Variants in FBLN5 observed in about 807,000 individuals in gnomAD.
The protein encoded by FBLN5 is fibulin-5.
FBLN5 carries 24 observed loss-of-function variants against 61.6 expected under a neutral mutation model. That is an observed-to-expected ratio of 0.39 (90% CI 0.28 to 0.55). FBLN5 has a LOEUF of 0.55. FBLN5 is among the 20% of genes least tolerant of loss of function. The pLI is 0.65. For synonymous variants in FBLN5, 213 were observed against 219.8 expected, an observed-to-expected ratio of 0.97 and a Z score of 0.27; for missense variants, 470 against 594.1, an observed-to-expected ratio of 0.79 and a Z score of 2.17.
At chr14:91,912,528 T>C (rs2140009467) in intron 4 of FBLN5, among the ~76,000 whole-genome samples, 1 of 152,100 alleles carries the variant, frequency 6.6e-6, no homozygotes, top group Non-Finnish European at 1.5e-5. Context: ...ACCTGTAATC[T>C]CAGCTACTTG....
intron 6 of FBLN5, among the ~76,000 whole-genome samples, chr14:91,888,949 T>A (rs1756964219): frequency 6.6e-6 from 1 of 152,210 alleles, no homozygotes; most frequent in Admixed American, 6.5e-5. Flanking sequence ...CTCTTAGGCC[T>A]CTGAAAAGAG....
chr14:91,870,285 A>G lies in FBLN5; in HGVS notation c.1286T>C (p.Ile429Thr), dbSNP rs1888858281. 1.2e-6 allele frequency: 2 copies of G among 1,614,224 alleles called. No individual in the cohort carries two copies. The highest frequency in any genetic ancestry group is 1.7e-6 in the Non-Finnish European group (2 of 1,180,024). Residue 429 changes from isoleucine to threonine, a missense_variant, in exon 11 of 11, where the codon ATC becomes ACC. Transcript: ENST00000342058. Reference protein sequence around the residue: ...DLEMITVNTVINFRGSSVIRL... With the variant: ...DLEMITVNTVTNFRGSSVIRL... Reference sequence around the variant, plus strand: ...GATCACGGAGCTGCCTCTGAAGTTGATGACAGTGTTGACAGTGATCATTTC... The same window carrying G: ...GATCACGGAGCTGCCTCTGAAGTTGGTGACAGTGTTGACAGTGATCATTTC...
At chr14:91,923,478 C>A (rs892431618) in intron 4 of FBLN5, among the ~76,000 whole-genome samples, 1 of 152,204 alleles carries the variant, frequency 6.6e-6, no homozygotes, top group Non-Finnish European at 1.5e-5. Context: ...TGACTCATGA[C>A]CAAGACTGCT....
At position 91,882,576 on chromosome 14, in the gene FBLN5, C is replaced by T. The variant is rs533563580; in HGVS notation, c.862+378G>A. On this transcript the variant is annotated intron_variant, in intron 8 of 10. Transcript: ENST00000342058. This position sits in a 1 kb window ranked among gnomAD's most constrained non-coding sequence, Gnocchi z 4.9. Reference sequence around the variant, plus strand: ...GCTAACCAAACTGCCCTCCAGGCCACGTAAGAAAGCCCGGGCTCTGGCCAG... The same window carrying T: ...GCTAACCAAACTGCCCTCCAGGCCATGTAAGAAAGCCCGGGCTCTGGCCAG... 7.2e-5 allele frequency among the ~76,000 whole-genome samples: 11 copies of T among 152,360 alleles called. No individual in the cohort carries two copies. In the East Asian group the frequency reaches 1.5e-3, roughly 21 times the overall value.
At chr14:91,887,963 C>T (rs1305430025) in intron 6 of FBLN5, among the ~76,000 whole-genome samples, 2 of 152,038 alleles carry the variant, frequency 1.3e-5, no homozygotes, top group East Asian at 3.8e-4. Flanking sequence ...AATCATGGTG[C>T]AGTTTATTAT....
chr14:91,879,968 G>C (rs1889345257), intron 9 of FBLN5, among the ~76,000 whole-genome samples: 1 of 152,166 alleles, frequency 6.6e-6, no homozygotes, highest in African/African-American at 2.4e-5. Flanking sequence ...TTAAAAAAGG[G>C]ATAAAAGAGA....
intron 10 of FBLN5, among the ~76,000 whole-genome samples, chr14:91,875,994 C>T (rs575438586): frequency 1.1e-4 from 16 of 152,350 alleles, no homozygotes; most frequent in Admixed American, 3.9e-4. Flanking sequence ...GTTTCACCCC[C>T]ACCACCAAAC....
At chr14:91,910,528 T>C (rs1890874362) in intron 4 of FBLN5, among the ~76,000 whole-genome samples, 1 of 152,236 alleles carries the variant, frequency 6.6e-6, no homozygotes, top group Admixed American at 6.5e-5. Context: ...GCATTTTTAC[T>C]ACAATAAAAA....
intron 4 of FBLN5, among the ~76,000 whole-genome samples, chr14:91,895,907 C>T (rs965029304): frequency 1.3e-5 from 2 of 151,672 alleles, no homozygotes; most frequent in Admixed American, 6.6e-5. Flanking sequence ...CTCCAGTCTT[C>T]GCTCCACTCC....
intron 4 of FBLN5, among the ~76,000 whole-genome samples, chr14:91,902,268 T>G (rs1890484201): frequency 1.1e-5 from 1 of 92,744 alleles, no homozygotes; most frequent in South Asian, 3.6e-4. Context: ...TGGGTTTTTT[T>G]GTTTGTTTGT....
At chr14:91,896,121 A>G (rs1377645039) in intron 4 of FBLN5, among the ~76,000 whole-genome samples, 2 of 152,174 alleles carry the variant, frequency 1.3e-5, no homozygotes, top group Admixed American at 6.5e-5. Flanking sequence ...TCAGTGCTCA[A>G]AACTGTTTGT....
intron 4 of FBLN5, among the ~76,000 whole-genome samples, chr14:91,897,603 C>A (rs1890278517): frequency 6.6e-6 from 1 of 152,196 alleles, no homozygotes; most frequent in South Asian, 2.1e-4. Flanking sequence ...CCAAGTCCTA[C>A]AGAGAGAAAC....
intron 4 of FBLN5, among the ~76,000 whole-genome samples, chr14:91,934,568 G>C (rs1329787024): frequency 6.6e-6 from 1 of 152,194 alleles, no homozygotes; most frequent in Non-Finnish European, 1.5e-5. Context: ...AAGAGGACAA[G>C]ACACCTTTGG....
At position 91,940,425 on chromosome 14, in the gene FBLN5, C is replaced by A. The variant is rs2056087504; in HGVS notation, c.124+140G>T. ...ACAAAGAAGGTGATCAATAAAAGGG[C>A]ACCACTGACTTCAGTCATTCCATGT... is the stretch of plus-strand genomic sequence containing the variant. On this transcript the variant is annotated intron_variant, in intron 3 of 10. Transcript: ENST00000342058. 16 of 751,606 alleles carry A rather than the reference C, an allele frequency of 2.1e-5. No individual in the cohort carries two copies. The South Asian group carries it at 2.2e-4, about 10-fold the overall frequency. The allele number at this position is 751,606 out of a possible 1,614,324, so 46.6% of individuals were successfully genotyped here.
Position 91,937,033 on chromosome 14 carries a change from G to T in FBLN5, c.293C>A (p.Pro98Gln), listed in dbSNP as rs754452466. Residue 98 changes from proline (P) to glutamine (Q), a missense_variant, in exon 4 of 11, where the codon CCA (proline) becomes CAA (glutamine). Coordinates refer to ENST00000342058, the MANE Select transcript of FBLN5 (RefSeq NM_006329.4). The stretch of plus-strand genomic sequence containing the variant: ...CGTGGGATAGTTTGGAGCTGAGAGT[G>T]GTGGGGCAGCTGCTGGGTACGGACC... ...YSGPYPAAAP[P>Q]LSAPNYPTIS... 2 of 1,614,060 alleles carry T rather than the reference G, an allele frequency of 1.2e-6. No individual in the cohort carries two copies. Among genetic ancestry groups the T allele is most frequent in the Non-Finnish European group, 1.7e-6 (2 of 1,180,042 alleles).
intron 7 of FBLN5, among the ~76,000 whole-genome samples, chr14:91,884,044 C>T (rs1274964306): frequency 6.6e-6 from 1 of 152,210 alleles, no homozygotes; most frequent in African/African-American, 2.4e-5. Flanking sequence ...CTAGTTTCCC[C>T]ATGTGACATG....
At chr14:91,927,861 G>A (rs2055855351) in intron 4 of FBLN5, among the ~76,000 whole-genome samples, 1 of 152,258 alleles carries the variant, frequency 6.6e-6, no homozygotes, top group Non-Finnish European at 1.5e-5. Context: ...ATTCCAGAGT[G>A]GAGTAGAAAT....
chr14:91,875,595 A>T (rs1378322688), intron 10 of FBLN5, among the ~76,000 whole-genome samples: 1 of 152,168 alleles, frequency 6.6e-6, no homozygotes, highest in African/African-American at 2.4e-5. Flanking sequence ...CTCCTGAGGG[A>T]ATACCAATGC....
At chr14:91,937,533 G>A (rs2056039674) in intron 3 of FBLN5, among the ~76,000 whole-genome samples, 1 of 152,146 alleles carries the variant, frequency 6.6e-6, no homozygotes. Flanking sequence ...GAGGTGATTG[G>A]ATCCTGAGGG....
Sources: allele counts gnomAD v4.1 joint callset (sites outside exome capture counted in the v4.1 genomes callset), GRCh38; gene constraint gnomAD v4.1.1; non-coding constraint Gnocchi (gnomAD v3.1); transcripts MANE v1.5; gene names NCBI Gene and HGNC (gene_info 2026-07-23, HGNC 2026-07-21).